The following HTRA1 variants were observed in gnomAD, a reference collection of about 807,000 sequenced individuals.
HTRA1 encodes the protein serine protease HTRA1.
In HTRA1, 26 loss-of-function variants were observed where a neutral mutation model predicts 49.7. The ratio of observed to expected loss-of-function variants is 0.52; its 90% CI spans 0.38 to 0.73. The LOEUF is 0.73. Among genes scored for constraint, HTRA1 ranks in the 30% least tolerant of loss-of-function variants. The probability of loss-of-function intolerance (pLI) is 0.00; values close to 1 mark genes in which losing one functional copy is unlikely to be tolerated. For synonymous variants in HTRA1, 291 were observed against 286.9 expected (o/e 1.01, Z -0.14); for missense variants, 561 against 667.2 (o/e 0.84, Z 1.75).
chr10:122,490,040 C>T lies in HTRA1; in HGVS notation c.777+414C>T, dbSNP rs2133439078. On this transcript the variant is annotated intron_variant, in intron 3 of 8. Coordinates refer to ENST00000368984, the MANE Select transcript of HTRA1 (RefSeq NM_002775.5). This position sits in a 1 kb window ranked among gnomAD's most constrained non-coding sequence, Gnocchi z 4.2. ...TTACTGGGTTTTAGACTGAGCCATC[C>T]TTAACTTGTCAACAGTTACTTTGAA... Among the ~76,000 whole-genome samples the T allele has an allele frequency of 6.6e-6, 1 of 152,280 alleles. No homozygotes were observed. Among genetic ancestry groups the T allele is most frequent in the Middle Eastern group, 3.4e-3 (1 of 294 alleles).
chr10:122,484,448 G>A (rs1451122455), intron 1 of HTRA1, among the ~76,000 whole-genome samples: 1 of 152,160 alleles, frequency 6.6e-6, no homozygotes, highest in African/African-American at 2.4e-5. Context: ...GCAGTGACAT[G>A]ACGACGTCGT....
chr10:122,507,232 A>G, intron 4 of HTRA1, 138 bp from the exon 5 acceptor site: 1 of 758,516 alleles, frequency 1.3e-6, no homozygotes. Context: ...GCAAAATATT[A>G]GGTTAATGGG....
chr10:122,467,988 A>G (rs138859783), intron 1 of HTRA1, among the ~76,000 whole-genome samples: 5 of 152,302 alleles, frequency 3.3e-5, no homozygotes, highest in African/African-American at 1.2e-4. Flanking sequence ...CATGTCCATC[A>G]CTGCCGGAAA....
chr10:122,505,206 C>A (rs561812235), intron 3 of HTRA1, among the ~76,000 whole-genome samples: 3 of 152,328 alleles, frequency 2.0e-5, no homozygotes, highest in Non-Finnish European at 2.9e-5. Flanking sequence ...AGGCCCTCAT[C>A]TAAATCACGC....
chr10:122,510,812 A>T (rs947288909), intron 7 of HTRA1, among the ~76,000 whole-genome samples: 1 of 152,232 alleles, frequency 6.6e-6, no homozygotes, highest in East Asian at 1.9e-4. Flanking sequence ...TAACAGATAG[A>T]TTAATGTGTT....
At chr10:122,514,119 T>C (rs2097506869) in intron 8 of HTRA1, 72 bp from the exon 9 acceptor site, 1 of 1,434,210 alleles carries the variant, frequency 7.0e-7, no homozygotes, top group East Asian at 2.3e-5. Context: ...GCTGTGCCTC[T>C]GTCCATGTAA....
At chr10:122,495,553 C>T (rs1039546527) in intron 3 of HTRA1, among the ~76,000 whole-genome samples, 5 of 152,096 alleles carry the variant, frequency 3.3e-5, no homozygotes, top group Admixed American at 6.5e-5. Flanking sequence ...CGTTTCAGTT[C>T]CCCAAACTCT....
intron 1 of HTRA1, among the ~76,000 whole-genome samples, chr10:122,471,719 G>T (rs1040652404): frequency 4.6e-5 from 7 of 152,176 alleles, no homozygotes; most frequent in African/African-American, 1.7e-4. Flanking sequence ...ATCTGTAGGG[G>T]CCAGTGTGGA....
chr10:122,495,638 A>T (rs866460746), intron 3 of HTRA1, among the ~76,000 whole-genome samples: 1 of 152,120 alleles, frequency 6.6e-6, no homozygotes, highest in South Asian at 2.1e-4. Context: ...TTCTTTGGCT[A>T]TATTTTTCTC....
rs1591031646 is a variant in HTRA1, at chr10:122,487,644, C to T, written c.473-1258C>T. Among the ~76,000 whole-genome samples the T allele has an allele frequency of 6.6e-6, 1 of 152,134 alleles. No individual in the cohort carries two copies. The highest frequency in any genetic ancestry group is 1.5e-5 in the Non-Finnish European group (1 of 68,024). On this transcript the variant is annotated intron_variant, in intron 1 of 8. Transcript: ENST00000368984. The surrounding 1 kb of genome is among the most constrained non-coding windows in gnomAD (Gnocchi z 4.8). ...CAACAGGGATACGTTCTGAGAAATG[C>T]GTCGTTAGGCGATTTCATCACTGTG...
intron 3 of HTRA1, among the ~76,000 whole-genome samples, chr10:122,495,662 G>GC (rs1288226393): frequency 6.6e-6 from 1 of 152,148 alleles, no homozygotes; most frequent in Admixed American, 6.5e-5. Flanking sequence ...ATATGGTAAT[G>GC]CCTTTTTTCA....
intron 1 of HTRA1, among the ~76,000 whole-genome samples, chr10:122,485,701 C>A (rs1591030992): frequency 6.6e-6 from 1 of 152,196 alleles, no homozygotes; most frequent in Non-Finnish European, 1.5e-5. Flanking sequence ...TTTTACCCAG[C>A]AAAATCCACC....
chr10:122,491,909 C>T (rs1220244679), intron 3 of HTRA1, among the ~76,000 whole-genome samples: 2 of 152,044 alleles, frequency 1.3e-5, no homozygotes, highest in Non-Finnish European at 2.9e-5. Flanking sequence ...GACTAAACTG[C>T]TTTTTTTTGC....
chr10:122,476,547 A>C (rs929269060), intron 1 of HTRA1, among the ~76,000 whole-genome samples: 6 of 152,228 alleles, frequency 3.9e-5, no homozygotes, highest in African/African-American at 1.4e-4. Flanking sequence ...GGGACCCTGC[A>C]TTTAGTGTAA....
At chr10:122,492,354 G>A (rs1488819904) in intron 3 of HTRA1, among the ~76,000 whole-genome samples, 1 of 152,120 alleles carries the variant, frequency 6.6e-6, no homozygotes, top group Non-Finnish European at 1.5e-5. Context: ...TTTATGTTTT[G>A]AGACAGAGTT....
At chr10:122,512,237 G>A (rs1175649156) in intron 8 of HTRA1, among the ~76,000 whole-genome samples, 172 bp downstream of exon 8, 4 of 152,068 alleles carry the variant, frequency 2.6e-5, no homozygotes, top group African/African-American at 9.7e-5. Flanking sequence ...GACCTGGCTC[G>A]GCTCGGGACT....
At chr10:122,476,236 T>C (rs2097488405) in intron 1 of HTRA1, among the ~76,000 whole-genome samples, 2 of 152,226 alleles carry the variant, frequency 1.3e-5, no homozygotes, top group African/African-American at 4.8e-5. Context: ...CTACGTGCTG[T>C]CTTTCCCCAC....
At chr10:122,479,629 G>T (rs1256231411) in intron 1 of HTRA1, among the ~76,000 whole-genome samples, 1 of 152,122 alleles carries the variant, frequency 6.6e-6, no homozygotes, top group Non-Finnish European at 1.5e-5. Flanking sequence ...AGATCATCCA[G>T]GCCGGAAGGA....
intron 1 of HTRA1, among the ~76,000 whole-genome samples, chr10:122,482,683 G>A (rs2097491519): frequency 6.6e-6 from 1 of 152,152 alleles, no homozygotes; most frequent in East Asian, 1.9e-4. Flanking sequence ...ACTTTGGGTG[G>A]CTGAGGCAGG....
Sources: gnomAD v4.1 joint callset for allele counts (sites outside exome capture counted in the v4.1 genomes callset) on GRCh38, gnomAD v4.1.1 for gene constraint, Gnocchi (gnomAD v3.1) non-coding constraint, MANE v1.5 for transcripts, NCBI Gene and HGNC (gene_info 2026-07-23, HGNC 2026-07-21) for gene names.